RHPN2: variants seen among roughly 807,000 people sequenced by gnomAD.
RHPN2 encodes the protein rhophilin-2.
Under a neutral mutation model 79.0 loss-of-function variants are expected in RHPN2, and 40 were observed. The observed-to-expected ratio is 0.51, with a 90% CI of 0.39 to 0.66. The LOEUF (loss-of-function observed/expected upper bound fraction) is 0.66, where lower values mean the gene tolerates loss of function less well. RHPN2 is among the 30% of genes least tolerant of loss of function. The probability of loss-of-function intolerance (pLI) is 0.00; values close to 1 mark genes in which losing one functional copy is unlikely to be tolerated. For synonymous variants in RHPN2, 285 were observed against 363.5 expected, an observed-to-expected ratio of 0.78 and a Z score of 2.46; for missense variants, 686 against 883.5, an observed-to-expected ratio of 0.78 and a Z score of 2.83.
rs372104463 is a variant in RHPN2, at chr19:33,038,756, CAG to C, written c.185+5491_185+5492del. On this transcript the variant is annotated intron_variant, in intron 2 of 14. Transcript: ENST00000254260. ...CACTGCAACCTCGAACTCCTGGGCT[CAG>C]GGGATTCTCCAGCCTCAGCCTCCCG... Among the ~76,000 whole-genome samples the C allele has an allele frequency of 1.0e-3, 156 of 152,280 alleles. 1 individual carries two copies. The highest frequency in any genetic ancestry group is 6.8e-3 in the Middle Eastern group (2 of 294).
chr19:33,019,987 A>C (rs1971910281), intron 4 of RHPN2, among the ~76,000 whole-genome samples: 1 of 152,078 alleles, frequency 6.6e-6, no homozygotes, highest in Non-Finnish European at 1.5e-5. Context: ...AGGGTATTCC[A>C]GGCACAGGAC....
rs200868331 is a variant in RHPN2 at position 33,055,376 on chromosome 19, AG to A, written c.69+9407del. Among the ~76,000 whole-genome samples, 763 of 150,552 alleles carry A rather than the reference AG, an allele frequency of 5.1e-3. 11 individuals are homozygous for A. Among genetic ancestry groups the A allele is most frequent in the African/African-American group, 0.017 (702 of 40,978 alleles). The stretch of plus-strand genomic sequence containing the variant: ...TTCTGTCATCTTTAAAAAAAAAAAA[AG>A]CTGTTTTAGACCATCATGGGGAATC... On this transcript the variant is annotated intron_variant, in intron 1 of 14. Transcript: ENST00000254260.
chr19:33,034,273 C>A (rs1321560044), intron 2 of RHPN2, among the ~76,000 whole-genome samples: 1 of 151,518 alleles, frequency 6.6e-6, no homozygotes, highest in Non-Finnish European at 1.5e-5. Flanking sequence ...GAGTTTGAGA[C>A]CAGACTGGCC....
chr19:33,002,806 G>A lies in RHPN2; in HGVS notation c.948+7C>T. ...TCCCCAAAGTCACAGGAACCAGGGA[G>A]TCCTACCTTAGCAGCCTCCTGAGCC... On this transcript the variant is annotated splice_region_variant and intron_variant, in intron 8 of 14. Coordinates refer to ENST00000254260, the MANE Select transcript of RHPN2 (RefSeq NM_033103.5). The A allele has an allele frequency of 1.9e-6, 3 of 1,613,668 alleles. No individual in the cohort carries two copies. Among genetic ancestry groups the A allele is most frequent in the Admixed American group, 1.7e-5 (1 of 59,976 alleles).
At chr19:33,057,736 C>T (rs1972245773) in intron 1 of RHPN2, among the ~76,000 whole-genome samples, 1 of 150,944 alleles carries the variant, frequency 6.6e-6, no homozygotes, top group Admixed American at 6.6e-5. Flanking sequence ...TTTTCAGAGA[C>T]CTCCCAAGGT....
intron 4 of RHPN2, among the ~76,000 whole-genome samples, chr19:33,013,193 AAAC>A (rs1283570431): frequency 9.3e-5 from 7 of 75,580 alleles, no homozygotes; most frequent in African/African-American, 4.5e-4. Context: ...TTTTTTAAAA[AAAC>A]AAAAACAAAA....
Position 33,064,882 on chromosome 19 carries a change from G to A in RHPN2, c.-30C>T. The A allele has an allele frequency of 6.7e-7, 1 of 1,487,032 alleles. No individual in the cohort carries two copies. The highest frequency in any genetic ancestry group is 8.9e-7 in the Non-Finnish European group (1 of 1,125,082). 92.1% of individuals were successfully genotyped at this position (1,487,032 alleles called of 1,614,324 possible). On this transcript the variant is annotated 5_prime_UTR_variant, in exon 1 of 15. Coordinates refer to ENST00000254260, the MANE Select transcript of RHPN2 (RefSeq NM_033103.5). Reference sequence around the variant, plus strand: ...GCGGCGCGGGCGCGGAGGGCGGACGGCGGACTGAGGCGCGGCGGCTGAGGC... The same window carrying A: ...GCGGCGCGGGCGCGGAGGGCGGACGACGGACTGAGGCGCGGCGGCTGAGGC...
intron 2 of RHPN2, among the ~76,000 whole-genome samples, chr19:33,034,783 CA>C (rs58456679): frequency 0.35 from 17,643 of 50,278 alleles, 1,534 homozygotes; most frequent in African/African-American, 0.46. Flanking sequence ...GACTCCATCT[CA>C]AAAAAAAAAA....
At chr19:32,983,925 C>G (rs895995502) in intron 14 of RHPN2, among the ~76,000 whole-genome samples, 1 of 152,224 alleles carries the variant, frequency 6.6e-6, no homozygotes, top group Non-Finnish European at 1.5e-5. Flanking sequence ...CTGTGCCCAG[C>G]TCCATTTACT....
chr19:33,040,791 T>TA (rs1322824995), intron 2 of RHPN2, among the ~76,000 whole-genome samples: 5 of 151,710 alleles, frequency 3.3e-5, no homozygotes, highest in African/African-American at 1.2e-4. Flanking sequence ...CCTGTCTTAC[T>TA]AAAAGTATAA....
In RHPN2 at chr19:32,994,464, G is replaced by A. The variant is rs144817958; in HGVS notation, c.1421-411C>T. On this transcript the variant is annotated intron_variant, in intron 11 of 14. Coordinates refer to ENST00000254260, the MANE Select transcript of RHPN2 (RefSeq NM_033103.5). ...CTCTTAGTCACACATCCTTCCCCTC[G>A]GTTTAGACAAGTAGCAGAAGAAGAT... Among the ~76,000 whole-genome samples, 222 of 152,094 alleles carry A rather than the reference G, an allele frequency of 1.5e-3. 1 individual carries two copies. Among genetic ancestry groups the A allele is most frequent in the African/African-American group, 5.1e-3 (213 of 41,498 alleles).
chr19:32,990,509 C>T lies in RHPN2; in HGVS notation c.1800+5G>A. ...CTGACTGCCCAGGGAGGTGTCAGCG[C>T]TCACCATGGATGATGTGGAGTCCAG... On this transcript the variant is annotated splice_donor_5th_base_variant and intron_variant, in intron 14 of 14. Transcript: ENST00000254260. The T allele has an allele frequency of 6.2e-7, 1 of 1,613,796 alleles. No homozygotes were observed. The highest frequency in any genetic ancestry group is 8.5e-7 in the Non-Finnish European group (1 of 1,179,828).
chr19:33,031,493 C>T (rs922516883), intron 2 of RHPN2, among the ~76,000 whole-genome samples: 2 of 151,976 alleles, frequency 1.3e-5, no homozygotes, highest in Non-Finnish European at 2.9e-5. Flanking sequence ...AATCCGCCTG[C>T]CTCAGGCTTC....
chr19:33,032,539 C>T (rs1972021699), intron 2 of RHPN2, among the ~76,000 whole-genome samples: 1 of 152,166 alleles, frequency 6.6e-6, no homozygotes, highest in East Asian at 1.9e-4. Flanking sequence ...ATACTTTTAT[C>T]ACTCAGGAGC....
chr19:33,053,390 G>C (rs1043765731), intron 1 of RHPN2, among the ~76,000 whole-genome samples: 4 of 150,678 alleles, frequency 2.7e-5, no homozygotes, highest in African/African-American at 9.8e-5. Flanking sequence ...ATTTCAACTG[G>C]TAGGACACAC....
intron 2 of RHPN2, among the ~76,000 whole-genome samples, chr19:33,043,479 G>C (rs575620628): frequency 5.3e-5 from 8 of 152,162 alleles, no homozygotes; most frequent in African/African-American, 1.9e-4. Flanking sequence ...TTGAACCCAG[G>C]AGACACAGGT....
intron 2 of RHPN2, among the ~76,000 whole-genome samples, chr19:33,035,855 G>A (rs1049298996): frequency 6.6e-6 from 1 of 152,088 alleles, no homozygotes; most frequent in Non-Finnish European, 1.5e-5. Flanking sequence ...CATGGCTCAC[G>A]CCTATAATCC....
At chr19:33,041,097 C>G (rs1202126362) in intron 2 of RHPN2, among the ~76,000 whole-genome samples, 1 of 152,164 alleles carries the variant, frequency 6.6e-6, no homozygotes, top group East Asian at 1.9e-4. Flanking sequence ...TCTGGTTTTT[C>G]AAGTGCCTGC....
At chr19:33,058,474 T>G (rs1278567309) in intron 1 of RHPN2, among the ~76,000 whole-genome samples, 1 of 152,044 alleles carries the variant, frequency 6.6e-6, no homozygotes, top group Non-Finnish European at 1.5e-5. Context: ...CATTTGATCC[T>G]TAAGTGTGCA....
Sources: gnomAD v4.1 joint callset for allele counts (sites outside exome capture counted in the v4.1 genomes callset) on GRCh38, gnomAD v4.1.1 for gene constraint, MANE v1.5 for transcripts, NCBI Gene and HGNC (gene_info 2026-07-23, HGNC 2026-07-21) for gene names.